The following MGAT4C variants were observed in gnomAD, a reference collection of about 807,000 sequenced individuals.
MGAT4C encodes alpha-1,3-mannosyl-glycoprotein 4-beta-N-acetylglucosaminyltransferase C.
Under a neutral mutation model 40.1 loss-of-function variants are expected in MGAT4C, and 19 were observed. The ratio of observed to expected loss-of-function variants is 0.47; its 90% CI spans 0.33 to 0.70. The LOEUF (loss-of-function observed/expected upper bound fraction) is 0.70, where lower values mean the gene tolerates loss of function less well. Ranked by LOEUF, MGAT4C falls within the 30% of genes least tolerant of loss-of-function variation. MGAT4C has a pLI of 0.02. For missense variants in MGAT4C, 491 were observed against 563.2 expected (o/e 0.87, Z 1.30); for synonymous variants, 181 against 187.1 (o/e 0.97, Z 0.27).
chr12:86,695,180 T>C (rs1329886686), intron 2 of MGAT4C, among the ~76,000 whole-genome samples: 2 of 152,116 alleles, frequency 1.3e-5, no homozygotes, highest in African/African-American at 2.4e-5. Flanking sequence ...TTTAACATCA[T>C]TGATTATCAG....
At chr12:85,980,507 C>T in intron 4 of MGAT4C, 77 bp from the exon 5 acceptor site, 1 of 1,313,832 alleles carries the variant, frequency 7.6e-7, no homozygotes, top group Non-Finnish European at 1.0e-6. Context: ...GATATTTATT[C>T]CTTTGACTTG....
chr12:86,725,815 T>A (rs1318393902), intron 2 of MGAT4C, among the ~76,000 whole-genome samples: 1 of 152,212 alleles, frequency 6.6e-6, no homozygotes, highest in Non-Finnish European at 1.5e-5. Flanking sequence ...CATTTGTGAT[T>A]AAAATACAGT....
At chr12:86,212,513 T>C (rs1252654417) in intron 1 of MGAT4C, among the ~76,000 whole-genome samples, 2 of 152,056 alleles carry the variant, frequency 1.3e-5, no homozygotes, top group Non-Finnish European at 2.9e-5. Flanking sequence ...CATCACGTAA[T>C]TGATACTTCA....
At chr12:86,761,762 C>T (rs929858119) in intron 1 of MGAT4C, among the ~76,000 whole-genome samples, 1 of 152,172 alleles carries the variant, frequency 6.6e-6, no homozygotes, top group African/African-American at 2.4e-5. Context: ...CCAACCTCTG[C>T]TTCCATCTTC....
chr12:86,810,587 C>G (rs1331295153), intron 1 of MGAT4C, among the ~76,000 whole-genome samples: 1 of 151,304 alleles, frequency 6.6e-6, no homozygotes, highest in Non-Finnish European at 1.5e-5. Context: ...TGGATATGAT[C>G]AACAGATTTT....
intron 2 of MGAT4C, among the ~76,000 whole-genome samples, chr12:86,611,456 T>TGATAGATAGATA (rs5799787): frequency 0.12 from 17,426 of 143,472 alleles, 1,112 homozygotes; most frequent in Non-Finnish European, 0.14. Flanking sequence ...GATAGATAGA[T>TGATAGATAGATA]GATAGATAGA....
At chr12:86,770,683 G>A (rs1951617191) in intron 1 of MGAT4C, among the ~76,000 whole-genome samples, 1 of 151,954 alleles carries the variant, frequency 6.6e-6, no homozygotes, top group African/African-American at 2.4e-5. Flanking sequence ...ATCAACTTAT[G>A]TATGAATTCT....
intron 3 of MGAT4C, among the ~76,000 whole-genome samples, chr12:86,403,323 T>C (rs372082877): frequency 3.9e-5 from 6 of 152,222 alleles, no homozygotes; most frequent in Non-Finnish European, 7.3e-5. Context: ...GTAACGCTGA[T>C]GGAAGTCTCT....
intron 4 of MGAT4C, 149 bp downstream of exon 4, chr12:85,983,374 G>T (rs753298951): frequency 1.4e-6 from 1 of 699,660 alleles, no homozygotes; most frequent in Non-Finnish European, 2.1e-6. Context: ...ATAGTAGTTG[G>T]CAATTTGTGA....
intron 4 of MGAT4C, among the ~76,000 whole-genome samples, chr12:86,313,560 GA>G (rs904435932): frequency 1.3e-5 from 2 of 151,958 alleles, no homozygotes; most frequent in African/African-American, 2.4e-5. Flanking sequence ...ACTAAAAGCA[GA>G]AAAAAACACA....
intron 1 of MGAT4C, among the ~76,000 whole-genome samples, chr12:86,063,029 A>G (rs1894146911): frequency 6.6e-6 from 1 of 152,156 alleles, no homozygotes; most frequent in East Asian, 1.9e-4. Context: ...ATAGAACACC[A>G]CAAAGATACT....
chr12:86,778,239 A>C (rs901817556), intron 1 of MGAT4C, among the ~76,000 whole-genome samples: 1 of 152,198 alleles, frequency 6.6e-6, no homozygotes, highest in Non-Finnish European at 1.5e-5. Context: ...TGTAGTTTTC[A>C]ATCTTCATTC....
chr12:86,748,874 A>C (rs755916663), intron 1 of MGAT4C, among the ~76,000 whole-genome samples: 1 of 151,572 alleles, frequency 6.6e-6, no homozygotes, highest in Non-Finnish European at 1.5e-5. Flanking sequence ...TGTTCACAAT[A>C]GTTATTAATA....
At chr12:86,723,983 A>T (rs1299497779) in intron 2 of MGAT4C, among the ~76,000 whole-genome samples, 1 of 152,192 alleles carries the variant, frequency 6.6e-6, no homozygotes, top group South Asian at 2.1e-4. Flanking sequence ...GATAACAATT[A>T]AAATAGGAAA....
intron 1 of MGAT4C, among the ~76,000 whole-genome samples, chr12:86,154,101 A>T (rs1460988502): frequency 1.3e-5 from 2 of 152,214 alleles, no homozygotes; most frequent in Non-Finnish European, 2.9e-5. Context: ...CTTGCTTGGT[A>T]TTGAGTACTT....
chr12:86,552,290 C>G (rs2136397934), intron 2 of MGAT4C, among the ~76,000 whole-genome samples: 1 of 151,982 alleles, frequency 6.6e-6, no homozygotes, highest in East Asian at 1.9e-4. Flanking sequence ...TTAATCAGTG[C>G]ATGTTCTTAC....
chr12:86,590,165 G>A (rs933002483), intron 2 of MGAT4C, among the ~76,000 whole-genome samples: 2 of 151,102 alleles, frequency 1.3e-5, no homozygotes. Flanking sequence ...GTAAAATGTA[G>A]ATACTTCCCT....
chr12:86,755,094 A>T (rs1951280150), intron 1 of MGAT4C, among the ~76,000 whole-genome samples: 3 of 152,160 alleles, frequency 2.0e-5, no homozygotes, highest in African/African-American at 7.2e-5. Context: ...TAAAACCTAC[A>T]ATCAGTTGAC....
chr12:86,279,844 G>A (rs1380880211), intron 4 of MGAT4C, among the ~76,000 whole-genome samples: 1 of 151,706 alleles, frequency 6.6e-6, no homozygotes, highest in African/African-American at 2.4e-5. Flanking sequence ...TGTTCCCATT[G>A]TCATTTGTTT....
Sources: allele counts gnomAD v4.1 joint callset (sites outside exome capture counted in the v4.1 genomes callset), GRCh38; gene constraint gnomAD v4.1.1; transcripts MANE v1.5; gene names NCBI Gene and HGNC (gene_info 2026-07-23, HGNC 2026-07-21).